Variants in PPARG observed in about 807,000 individuals in gnomAD.
PPARG encodes peroxisome proliferator-activated receptor gamma.
PPARG carries 17 observed loss-of-function variants against 39.2 expected under a neutral mutation model. The observed-to-expected ratio is 0.43, with a 90% CI of 0.30 to 0.65. PPARG has a LOEUF of 0.65. Ranked by LOEUF, PPARG falls within the 30% of genes least tolerant of loss-of-function variation. PPARG has a pLI of 0.13. For missense variants in PPARG, 406 were observed against 585.9 expected (o/e 0.69, Z 3.17); for synonymous variants, 223 against 215.7 (o/e 1.03, Z -0.30).
In PPARG at chr3:12,416,868, C is replaced by A. The variant is rs191342668; in HGVS notation, c.894C>A (p.Ala298=). Residue 298 remains alanine, a synonymous_variant, in exon 7 of 8, where the codon GCC becomes GCA. Coordinates refer to ENST00000651735, the MANE Select transcript of PPARG (RefSeq NM_138711.6). ...VEAVQEITEY[A]KSIPGFVNLD... is the part of the protein sequence containing the mutation. Reference sequence around the variant, plus strand: ...CTGTGCAGGAGATCACAGAGTATGCCAAAAGCATTCCTGGTTTTGTAAATC... The same window carrying A: ...CTGTGCAGGAGATCACAGAGTATGCAAAAAGCATTCCTGGTTTTGTAAATC... The A allele has an allele frequency of 4.4e-5, 71 of 1,614,088 alleles. No homozygotes were observed. The Admixed American group carries it at 1.2e-3, about 27-fold the overall frequency.
At chr3:12,354,313 A>G (rs2048584679) in intron 2 of PPARG, among the ~76,000 whole-genome samples, 1 of 152,184 alleles carries the variant, frequency 6.6e-6, no homozygotes. Flanking sequence ...GTTTCCACAT[A>G]TATTAACAGA....
chr3:12,317,773 A>G (rs773004928), intron 2 of PPARG, among the ~76,000 whole-genome samples: 1 of 152,170 alleles, frequency 6.6e-6, no homozygotes, highest in East Asian at 1.9e-4. Flanking sequence ...TGACATTTCA[A>G]ATTGCTTGGA....
At chr3:12,390,243 C>A (rs1456165347) in intron 4 of PPARG, among the ~76,000 whole-genome samples, 2 of 152,088 alleles carry the variant, frequency 1.3e-5, no homozygotes, top group East Asian at 3.9e-4. Flanking sequence ...ACATTGGTAG[C>A]CACTTTGGAA....
intron 1 of PPARG, among the ~76,000 whole-genome samples, chr3:12,299,999 G>A (rs1316751221): frequency 6.6e-6 from 1 of 152,086 alleles, no homozygotes; most frequent in Non-Finnish European, 1.5e-5. Context: ...TTTTCAAGTT[G>A]ACAGAAAATA....
intron 6 of PPARG, chr3:12,406,539 T>TTTTTTTTTTTTTTTTTTTTTTTG (rs2050677352): frequency 7.0e-6 from 1 of 143,334 alleles, no homozygotes; most frequent in Non-Finnish European, 1.5e-5. Context: ...CCTCTTTTTT[T>TTTTTTTTTTTTTTTTTTTTTTTG]TTTTTTTTTT....
intron 3 of PPARG, among the ~76,000 whole-genome samples, chr3:12,380,456 A>G (rs1189327931): frequency 1.3e-5 from 2 of 152,188 alleles, no homozygotes; most frequent in Non-Finnish European, 2.9e-5. Context: ...GCCATTAACT[A>G]AATCAACATC....
At chr3:12,334,233 C>CTT (rs1156995055) in intron 2 of PPARG, among the ~76,000 whole-genome samples, 2 of 144,344 alleles carry the variant, frequency 1.4e-5, no homozygotes, top group African/African-American at 2.5e-5. Context: ...TTCTTTTTTT[C>CTT]TTTTTTTTTT....
intron 2 of PPARG, among the ~76,000 whole-genome samples, chr3:12,358,922 C>T (rs1444182442): frequency 6.6e-6 from 1 of 152,168 alleles, no homozygotes; most frequent in Non-Finnish European, 1.5e-5. Flanking sequence ...ACGTTGATGA[C>T]AGGGACATGT....
chr3:12,428,688 G>T (rs182560035), intron 7 of PPARG, among the ~76,000 whole-genome samples: 2 of 152,374 alleles, frequency 1.3e-5, no homozygotes, highest in African/African-American at 2.4e-5. Flanking sequence ...GACTAGTGGG[G>T]AGCTGGTGAC....
intron 2 of PPARG, among the ~76,000 whole-genome samples, chr3:12,343,645 G>C (rs913910485): frequency 6.6e-6 from 1 of 152,122 alleles, no homozygotes; most frequent in Admixed American, 6.5e-5. Flanking sequence ...TCGTATATTA[G>C]AGTGCATTGT....
At chr3:12,326,366 A>C (rs967423063) in intron 2 of PPARG, among the ~76,000 whole-genome samples, 5 of 148,732 alleles carry the variant, frequency 3.4e-5, no homozygotes, top group Admixed American at 6.8e-5. Flanking sequence ...CAGCAAGCCA[A>C]CTTTTAACTT....
At chr3:12,334,440 A>T (rs1221333833) in intron 2 of PPARG, among the ~76,000 whole-genome samples, 1 of 152,012 alleles carries the variant, frequency 6.6e-6, no homozygotes, top group Admixed American at 6.6e-5. Flanking sequence ...CATGTTGTCC[A>T]GGCTGGTCTC....
At chr3:12,322,305 G>A (rs1375130032) in intron 2 of PPARG, among the ~76,000 whole-genome samples, 2 of 152,106 alleles carry the variant, frequency 1.3e-5, no homozygotes, top group African/African-American at 4.8e-5. Context: ...AAATTTTTTG[G>A]CTCCTACTTG....
At chr3:12,406,471 G>A (rs150805554) in intron 6 of PPARG, 1 of 237,010 alleles carries the variant, frequency 4.2e-6, no homozygotes, top group African/African-American at 2.3e-5. Flanking sequence ...ACCCGACCTA[G>A]GTTTAGAAAA....
chr3:12,288,600 G>C (rs953264260), upstream of PPARG, among the ~76,000 whole-genome samples: 15 of 152,122 alleles, frequency 9.9e-5, no homozygotes, highest in African/African-American at 2.7e-4. Context: ...CCCTGCTGAG[G>C]AGGAGGTCCC....
At chr3:12,311,458 A>G (rs1186485505) in intron 1 of PPARG, among the ~76,000 whole-genome samples, 4 of 152,224 alleles carry the variant, frequency 2.6e-5, no homozygotes, top group Non-Finnish European at 4.4e-5. Flanking sequence ...TATAGTTTAT[A>G]TTATTTCCTG....
At chr3:12,298,861 G>A (rs921134555) in intron 1 of PPARG, among the ~76,000 whole-genome samples, 3 of 151,894 alleles carry the variant, frequency 2.0e-5, no homozygotes, top group East Asian at 1.9e-4. Flanking sequence ...ATTGAGACAG[G>A]GTCTCACTCT....
intron 1 of PPARG, among the ~76,000 whole-genome samples, chr3:12,293,755 A>G (rs980237578): frequency 2.0e-5 from 3 of 152,178 alleles, no homozygotes; most frequent in Non-Finnish European, 4.4e-5. Context: ...GAAAGAGGTT[A>G]CTTTTTCATC....
intron 2 of PPARG, among the ~76,000 whole-genome samples, chr3:12,314,318 T>C (rs2047331398): frequency 6.6e-6 from 1 of 151,906 alleles, no homozygotes; most frequent in Non-Finnish European, 1.5e-5. Flanking sequence ...AGTGAAAGTT[T>C]AAGGTGAAAC....
Sources: gnomAD v4.1 joint callset for allele counts (sites outside exome capture counted in the v4.1 genomes callset) on GRCh38, gnomAD v4.1.1 for gene constraint, MANE v1.5 for transcripts, NCBI Gene and HGNC (gene_info 2026-07-23, HGNC 2026-07-21) for gene names.